ADAMTS19: variants seen among roughly 807,000 people sequenced by gnomAD.
ADAMTS19 encodes the protein ADAM metallopeptidase with thrombospondin type 1 motif 19.
ADAMTS19 carries 93 observed loss-of-function variants against 153.3 expected under a neutral mutation model. The observed-to-expected ratio is 0.61, with a 90% CI of 0.51 to 0.72. The LOEUF is 0.72. Ranked by LOEUF, ADAMTS19 falls within the 30% of genes least tolerant of loss-of-function variation. The probability of loss-of-function intolerance (pLI) is 0.00; values close to 1 mark genes in which losing one functional copy is unlikely to be tolerated. For synonymous variants in ADAMTS19, 600 were observed against 556.6 expected (o/e 1.08, Z -1.10); for missense variants, 1,482 against 1,552.1 (o/e 0.95, Z 0.76).
chr5:129,563,863 T>G (rs1469586133), intron 7 of ADAMTS19, among the ~76,000 whole-genome samples: 1 of 152,168 alleles, frequency 6.6e-6, no homozygotes. Context: ...TGTGAAGGAA[T>G]TTTGCAGAGG....
chr5:129,508,626 T>C (rs1459238898), intron 2 of ADAMTS19, among the ~76,000 whole-genome samples: 1 of 152,104 alleles, frequency 6.6e-6, no homozygotes, highest in Non-Finnish European at 1.5e-5. Flanking sequence ...AATTTGATGC[T>C]TCTTGCATTT....
chr5:129,492,972 C>T (rs902229451), intron 2 of ADAMTS19, among the ~76,000 whole-genome samples: 1 of 152,054 alleles, frequency 6.6e-6, no homozygotes, highest in African/African-American at 2.4e-5. Context: ...GAAGAACTTC[C>T]CTACTCCAAA....
intron 7 of ADAMTS19, among the ~76,000 whole-genome samples, chr5:129,563,778 G>T (rs1220125981): frequency 2.6e-5 from 4 of 152,196 alleles, no homozygotes; most frequent in African/African-American, 9.6e-5. Flanking sequence ...CAGTGTGGTA[G>T]ACAGAATTCT....
intron 2 of ADAMTS19, among the ~76,000 whole-genome samples, chr5:129,478,841 C>T (rs1349352622): frequency 2.0e-5 from 3 of 152,138 alleles, no homozygotes; most frequent in Non-Finnish European, 4.4e-5. Context: ...TGCACCTGGC[C>T]ACCTCTACCT....
intron 7 of ADAMTS19, among the ~76,000 whole-genome samples, chr5:129,554,546 A>G (rs1753247960): frequency 6.6e-6 from 1 of 152,172 alleles, no homozygotes; most frequent in African/African-American, 2.4e-5. Flanking sequence ...CCTGATCACT[A>G]TAATCAGGAA....
At chr5:129,625,978 T>C (rs925001862) in intron 10 of ADAMTS19, among the ~76,000 whole-genome samples, 2 of 152,026 alleles carry the variant, frequency 1.3e-5, no homozygotes, top group African/African-American at 2.4e-5. Context: ...TGGTTTTAGG[T>C]CTAACATTTA....
chr5:129,563,951 T>A (rs6863293), intron 7 of ADAMTS19, among the ~76,000 whole-genome samples: 1 of 151,370 alleles, frequency 6.6e-6, no homozygotes, highest in South Asian at 2.1e-4. Context: ...ACGTAGTATC[T>A]CTTTGTCACC....
chr5:129,608,336 T>A (rs558813005), intron 8 of ADAMTS19, among the ~76,000 whole-genome samples: 1 of 151,518 alleles, frequency 6.6e-6, no homozygotes, highest in African/African-American at 2.4e-5. Context: ...TACCAGGAGC[T>A]GTAGGATGAG....
At chr5:129,623,677 C>G (rs1227123915) in intron 10 of ADAMTS19, among the ~76,000 whole-genome samples, 3 of 152,090 alleles carry the variant, frequency 2.0e-5, no homozygotes, top group Non-Finnish European at 4.4e-5. Context: ...TTTCACCCAC[C>G]AGTATGTAAG....
intron 3 of ADAMTS19, among the ~76,000 whole-genome samples, chr5:129,520,162 C>G (rs542783019): frequency 5.3e-5 from 8 of 152,234 alleles, no homozygotes; most frequent in African/African-American, 1.9e-4. Flanking sequence ...CATACTCCTT[C>G]CTGCCTCTAA....
intron 8 of ADAMTS19, among the ~76,000 whole-genome samples, chr5:129,608,091 T>C (rs1347656186): frequency 0.011 from 186 of 17,010 alleles, 1 homozygote; most frequent in East Asian, 0.092. Context: ...TTTATATATA[T>C]GTGTGTGTGT....
chr5:129,590,328 CA>C (rs1342108412), intron 7 of ADAMTS19, among the ~76,000 whole-genome samples: 3 of 151,966 alleles, frequency 2.0e-5, no homozygotes, highest in East Asian at 1.9e-4. Flanking sequence ...GCTATACATT[CA>C]AAAAAATGTA....
chr5:129,738,251 G>A lies in ADAMTS19; in HGVS notation c.*1033G>A, dbSNP rs1255635636. The A allele has an allele frequency of 1.3e-5, 2 of 151,922 alleles. No individual in the cohort carries two copies. Among genetic ancestry groups the A allele is most frequent in the Non-Finnish European group, 2.9e-5 (2 of 67,952 alleles). 9.4% of individuals were successfully genotyped at this position (151,922 alleles called of 1,614,324 possible). A position where few individuals can be genotyped will look rare whatever the true frequency, so the allele number is the denominator to read the frequency against. ...AATTATGTGAAACGTTCAAAAGCCA[G>A]CTTAAAATTTTTCTTGTGAGAAAAT... On this transcript the variant is annotated 3_prime_UTR_variant, in exon 23 of 23. Coordinates refer to ENST00000274487, the MANE Select transcript of ADAMTS19 (RefSeq NM_133638.6).
intron 18 of ADAMTS19, among the ~76,000 whole-genome samples, chr5:129,685,232 C>A (rs1052066496): frequency 1.3e-5 from 2 of 151,698 alleles, no homozygotes; most frequent in Non-Finnish European, 2.9e-5. Flanking sequence ...TCCATATATT[C>A]TTTATCTGTA....
At chr5:129,480,390 A>G (rs1302946722) in intron 2 of ADAMTS19, among the ~76,000 whole-genome samples, 1 of 152,214 alleles carries the variant, frequency 6.6e-6, no homozygotes, top group Non-Finnish European at 1.5e-5. Flanking sequence ...AAAGAAAAAT[A>G]CATTACATAA....
intron 2 of ADAMTS19, among the ~76,000 whole-genome samples, chr5:129,480,570 A>G (rs1351038317): frequency 6.6e-6 from 1 of 152,220 alleles, no homozygotes; most frequent in African/African-American, 2.4e-5. Context: ...AACATGAAAA[A>G]TAGGCAAAAT....
At chr5:129,511,022 C>A (rs1751424894) in intron 3 of ADAMTS19, among the ~76,000 whole-genome samples, 1 of 151,704 alleles carries the variant, frequency 6.6e-6, no homozygotes, top group Non-Finnish European at 1.5e-5. Flanking sequence ...TTTTAAAAAT[C>A]ATTTAAAAAT....
chr5:129,603,740 A>T (rs1251666657), intron 8 of ADAMTS19, among the ~76,000 whole-genome samples: 1 of 152,184 alleles, frequency 6.6e-6, no homozygotes, highest in Non-Finnish European at 1.5e-5. Context: ...GAGGCCAAAG[A>T]CTTCTGCTCC....
chr5:129,494,894 T>G (rs886837069), intron 2 of ADAMTS19, among the ~76,000 whole-genome samples: 8 of 152,108 alleles, frequency 5.3e-5, no homozygotes, highest in African/African-American at 1.9e-4. Context: ...GTCCAGTCAT[T>G]TTCATTGCAA....
Sources: allele counts gnomAD v4.1 joint callset (sites outside exome capture counted in the v4.1 genomes callset), GRCh38; gene constraint gnomAD v4.1.1; transcripts MANE v1.5; gene names NCBI Gene and HGNC (gene_info 2026-07-23, HGNC 2026-07-21).